The following PRR36 variants were observed in gnomAD, a reference collection of about 807,000 sequenced individuals.
PRR36 encodes proline rich 36.
A neutral mutation model predicts 58.6 loss-of-function variants in PRR36; 30 were observed. That is an observed-to-expected ratio of 0.51 (90% CI 0.38 to 0.69). The LOEUF is 0.69. Among genes scored for constraint, PRR36 ranks in the 30% least tolerant of loss-of-function variants. The probability of loss-of-function intolerance (pLI) is 0.00; values close to 1 mark genes in which losing one functional copy is unlikely to be tolerated. For missense variants in PRR36, 1,692 were observed against 1,805.6 expected (o/e 0.94, Z 1.14); for synonymous variants, 771 against 829.3 (o/e 0.93, Z 1.21).
In PRR36 at chr19:7,872,479, A is replaced by G. The variant is rs58930212; in HGVS notation, c.765T>C (p.Ser255=). 463 of 1,471,364 alleles carry G rather than the reference A, an allele frequency of 3.1e-4. 3 individuals are homozygous for G. The East Asian group carries it at 9.1e-3, about 29-fold the overall frequency. 91.1% of individuals were successfully genotyped at this position (1,471,364 alleles called of 1,614,324 possible). The part of the protein sequence containing the change: ...SATPLSSPAR[S]GPSARGTPRA... Reference sequence around the variant, plus strand: ...TGGGTGTTCCGCGGGCTGAGGGCCCAGAACGGGCTGGGGAGGAGAGAGGGG... The same window carrying G: ...TGGGTGTTCCGCGGGCTGAGGGCCCGGAACGGGCTGGGGAGGAGAGAGGGG... The change falls in exon 5 of 6, where the codon TCT becomes TCC. Residue 255 remains serine (S), a synonymous_variant. Coordinates refer to ENST00000618550, the MANE Select transcript of PRR36 (RefSeq NM_001190467.2). This position sits in a 1 kb window ranked among gnomAD's most constrained non-coding sequence, Gnocchi z 6.1.
At position 7,870,562 on chromosome 19, in the gene PRR36, TGGGGGTGAGGGA is replaced by T; in HGVS notation, c.2670_2681del (p.Pro891_Pro894del). The T allele has an allele frequency of 3.0e-6, 1 of 331,034 alleles. No individual in the cohort carries two copies. Among genetic ancestry groups the T allele is most frequent in the Non-Finnish European group, 3.4e-6 (1 of 290,454 alleles). 20.5% of individuals were successfully genotyped at this position (331,034 alleles called of 1,614,324 possible). ...CAGGGGGAGAGAAAGGGGCCTGCACTGGGGGTGAGGGAGGGGGAGAGAAAGGGGCCTGCAGAA... is the reference window on the plus strand; with the variant it reads ...CAGGGGGAGAGAAAGGGGCCTGCACTGGGGGAGAGAAAGGGGCCTGCAGAA... On this transcript the variant is annotated inframe_deletion, in exon 5 of 6. Coordinates refer to ENST00000618550, the MANE Select transcript of PRR36 (RefSeq NM_001190467.2).
At position 7,873,140 on chromosome 19, in the gene PRR36, C is replaced by A. The variant is rs1254436927; in HGVS notation, c.374+57G>T. 6.7e-6 allele frequency: 10 copies of A among 1,500,290 alleles called. No homozygotes were observed. Among genetic ancestry groups the A allele is most frequent in the Non-Finnish European group, 8.1e-6 (9 of 1,114,914 alleles). The allele number at this position is 1,500,290 out of a possible 1,614,324, so 92.9% of individuals were successfully genotyped here. On this transcript the variant is annotated intron_variant, in intron 3 of 5. Transcript: ENST00000618550. This position sits in a 1 kb window ranked among gnomAD's most constrained non-coding sequence, Gnocchi z 5.0. ...CCCAACTCGTGTAAAATAAAAGGTT[C>A]CAGACTCTGTGACGCTAACCCTGGC...
In PRR36 at chr19:7,869,974, C is replaced by T; in HGVS notation, c.3270G>A (p.Ser1090=). 10 of 1,391,186 alleles carry T rather than the reference C, an allele frequency of 7.2e-6. No homozygotes were observed. The highest frequency in any genetic ancestry group is 9.3e-6 in the Non-Finnish European group (10 of 1,080,676). 86.2% of individuals were successfully genotyped at this position (1,391,186 alleles called of 1,614,324 possible). A position where few individuals can be genotyped will look rare whatever the true frequency, so the allele number is the denominator to read the frequency against. The change falls in exon 5 of 6, where the codon TCG becomes TCA. Residue 1090 remains serine, a synonymous_variant. Transcript: ENST00000618550. ...PPTPGPDTSV[S]GPRLTLALAP... ...CCAACGCCAGGGTCAGCCGTGGGCC[C>T]GAGACGGAGGTATCCGGACCCGGGG...
In PRR36 at chr19:7,871,853, AGAG is replaced by A. The variant is rs1437822354; in HGVS notation, c.1388_1390del (p.Pro463del). The A allele has an allele frequency of 4.6e-6, 7 of 1,535,862 alleles. No individual in the cohort carries two copies. The highest frequency in any genetic ancestry group is 6.1e-6 in the Non-Finnish European group (7 of 1,146,850). On this transcript the variant is annotated inframe_deletion, in exon 5 of 6. Coordinates refer to ENST00000618550, the MANE Select transcript of PRR36 (RefSeq NM_001190467.2). ...TGTTGCCGGAGAAACAGGGCCTTGT[AGAG>A]GAGACATGGCTGACAGAGGAGGTGT...
Position 7,871,102 on chromosome 19 carries a change from T to G in PRR36, c.2142A>C (p.Gln714His). 1.3e-6 allele frequency: 2 copies of G among 1,529,982 alleles called. No homozygotes were observed. The highest frequency in any genetic ancestry group is 1.7e-6 in the Non-Finnish European group (2 of 1,144,680). 94.8% of individuals were successfully genotyped at this position (1,529,982 alleles called of 1,614,324 possible). The change falls in exon 5 of 6, where the codon CAA becomes CAC. Residue 714 changes from glutamine (Q) to histidine (H), a missense_variant. Gln to His is a conservative substitution (Grantham distance 24). Transcript: ENST00000618550. ...SSLIMPPLET[Q>H]SSLAPPSLQT... is the part of the protein sequence containing the mutation. ...GCAGAGAGGGTGGGGCTAGGGAAGA[T>G]TGGGTCTCCAGAGGGGGCATGATCA...
Position 7,868,935 on chromosome 19 carries a change from T to C in PRR36, c.*98A>G, listed in dbSNP as rs962577009. ...CTAAGACTAATCCACCCAGCGGGGC[T>C]CCAGGGCAGTGGAGGCGGGGTCTAA... is the stretch of plus-strand genomic sequence containing the variant. On this transcript the variant is annotated 3_prime_UTR_variant, in exon 6 of 6. Coordinates refer to ENST00000618550, the MANE Select transcript of PRR36 (RefSeq NM_001190467.2). 8 of 1,339,846 alleles carry C rather than the reference T, an allele frequency of 6.0e-6. No homozygotes were observed. In the African/African-American group the frequency reaches 9.0e-5, roughly 15 times the overall value. 83.0% of individuals were successfully genotyped at this position (1,339,846 alleles called of 1,614,324 possible).
In PRR36 at chr19:7,872,888, C is replaced by A; in HGVS notation, c.448G>T (p.Ala150Ser). The A allele has an allele frequency of 6.5e-7, 1 of 1,536,090 alleles. No individual in the cohort carries two copies. The highest frequency in any genetic ancestry group is 8.7e-7 in the Non-Finnish European group (1 of 1,146,876). Residue 150 changes from alanine to serine, a missense_variant, in exon 4 of 6, where the codon GCT (alanine) becomes TCT (serine). Ala to Ser is a moderately conservative substitution (Grantham distance 99, BLOSUM62 1). Around this residue, in one of 5 missense-constraint regions of PRR36, gnomAD observed 975 missense variants for 955.2 expected, o/e 1.02. Coordinates refer to ENST00000618550, the MANE Select transcript of PRR36 (RefSeq NM_001190467.2). This position sits in a 1 kb window ranked among gnomAD's most constrained non-coding sequence, Gnocchi z 6.1. ...ETVARGKATE[A>S]PKRSALSAGA... ...GCGCTGAGGGCACTCCTTTTGGGAG[C>A]CTCTGTAGCTTTTCCTCTGGCCACA...
Position 7,869,199 on chromosome 19 carries a change from C to A in PRR36, c.3875G>T (p.Gly1292Val). 6.5e-7 allele frequency: 1 copy of A among 1,531,660 alleles called. No individual in the cohort carries two copies. Among genetic ancestry groups the A allele is most frequent in the Non-Finnish European group, 8.7e-7 (1 of 1,145,386 alleles). The allele number at this position is 1,531,660 out of a possible 1,614,324, so 94.9% of individuals were successfully genotyped here. A position where few individuals can be genotyped will look rare whatever the true frequency, so the allele number is the denominator to read the frequency against. The change falls in exon 6 of 6, where the codon GGC becomes GTC. Residue 1292 changes from glycine (G) to valine (V), a missense_variant. Gly to Val is a moderately radical substitution (Grantham distance 109). Coordinates refer to ENST00000618550, the MANE Select transcript of PRR36 (RefSeq NM_001190467.2). ...GGAEGGGVTGGARAALSDAEL... is the reference protein window; with the variant it reads ...GGAEGGGVTGVARAALSDAEL... Reference sequence around the variant, plus strand: ...GGCGTCGCTGAGTGCAGCCCGGGCGCCCCCTGTGACGCCACCACCCTCCGC... The same window carrying A: ...GGCGTCGCTGAGTGCAGCCCGGGCGACCCCTGTGACGCCACCACCCTCCGC...
At position 7,872,821 on chromosome 19, in the gene PRR36, G is replaced by C. The variant is rs1373793722; in HGVS notation, c.487+28C>G. On this transcript the variant is annotated intron_variant, in intron 4 of 5. Coordinates refer to ENST00000618550, the MANE Select transcript of PRR36 (RefSeq NM_001190467.2). This position sits in a 1 kb window ranked among gnomAD's most constrained non-coding sequence, Gnocchi z 6.1. ...TGAGGCGGCTCCCCTTGCTGCCCAG[G>C]AACCCCACTCTTCTCCAGGTCACGT... 2 of 1,532,546 alleles carry C rather than the reference G, an allele frequency of 1.3e-6. No homozygotes were observed. Among genetic ancestry groups the C allele is most frequent in the South Asian group, 2.4e-5 (2 of 83,838 alleles). The allele number at this position is 1,532,546 out of a possible 1,614,324, so 94.9% of individuals were successfully genotyped here.
Position 7,871,830 on chromosome 19 carries a change from T to C in PRR36, c.1414A>G (p.Thr472Ala), listed in dbSNP as rs1351879351. Reference protein sequence around the residue: ...SPLQGPVSPATSLGNSAFPLA... With the variant: ...SPLQGPVSPAASLGNSAFPLA... ...GGAAAAGCCGAATTCCCCAGAGATG[T>C]TGCCGGAGAAACAGGGCCTTGTAGA... Residue 472 changes from threonine (T) to alanine (A), a missense_variant, in exon 5 of 6, where the codon ACA becomes GCA. Coordinates refer to ENST00000618550, the MANE Select transcript of PRR36 (RefSeq NM_001190467.2). The C allele has an allele frequency of 1.3e-6, 2 of 1,535,494 alleles. No homozygotes were observed. Among genetic ancestry groups the C allele is most frequent in the East Asian group, 2.4e-5 (1 of 40,860 alleles).
chr19:7,872,989 C>T lies in PRR36; in HGVS notation c.375-28G>A, dbSNP rs1980536978. On this transcript the variant is annotated intron_variant, in intron 3 of 5. Transcript: ENST00000618550. This position sits in a 1 kb window ranked among gnomAD's most constrained non-coding sequence, Gnocchi z 6.1. ...GGAGACAGAAGGGGCCACGCTCAGG[C>T]CTAGGTCTTTGTTTGGCTTCCCAAG... 1 of 1,513,870 alleles carries T rather than the reference C, an allele frequency of 6.6e-7. No individual in the cohort carries two copies. Among genetic ancestry groups the T allele is most frequent in the Non-Finnish European group, 8.9e-7 (1 of 1,129,444 alleles). The allele number at this position is 1,513,870 out of a possible 1,614,324, so 93.8% of individuals were successfully genotyped here. A position where few individuals can be genotyped will look rare whatever the true frequency, so the allele number is the denominator to read the frequency against.
chr19:7,868,950 G>T lies in PRR36; in HGVS notation c.*83C>A. 1.4e-6 allele frequency: 2 copies of T among 1,398,316 alleles called. No individual in the cohort carries two copies. Among genetic ancestry groups the T allele is most frequent in the Non-Finnish European group, 1.9e-6 (2 of 1,061,120 alleles). 86.6% of individuals were successfully genotyped at this position (1,398,316 alleles called of 1,614,324 possible). On this transcript the variant is annotated 3_prime_UTR_variant, in exon 6 of 6. Coordinates refer to ENST00000618550, the MANE Select transcript of PRR36 (RefSeq NM_001190467.2). Reference sequence around the variant, plus strand: ...CCAGCGGGGCTCCAGGGCAGTGGAGGCGGGGTCTAAAACAAACGGCGTACC... The same window carrying T: ...CCAGCGGGGCTCCAGGGCAGTGGAGTCGGGGTCTAAAACAAACGGCGTACC...
chr19:7,873,165 C>CT lies in PRR36; in HGVS notation c.374+31dup. 12 of 1,527,218 alleles carry CT rather than the reference C, an allele frequency of 7.9e-6. No homozygotes were observed. Among genetic ancestry groups the CT allele is most frequent in the Non-Finnish European group, 1.1e-5 (12 of 1,138,824 alleles). The allele number at this position is 1,527,218 out of a possible 1,614,324, so 94.6% of individuals were successfully genotyped here. A position where few individuals can be genotyped will look rare whatever the true frequency, so the allele number is the denominator to read the frequency against. On this transcript the variant is annotated intron_variant, in intron 3 of 5. Transcript: ENST00000618550. This position sits in a 1 kb window ranked among gnomAD's most constrained non-coding sequence, Gnocchi z 5.0. ...CCAGACTCTGTGACGCTAACCCTGG[C>CT]TTAGGAGACTGGGGGAGAGGGAGCA...
Position 7,872,974 on chromosome 19 carries a change from G to A in PRR36, c.375-13C>T. 6.5e-7 allele frequency: 1 copy of A among 1,530,102 alleles called. No homozygotes were observed. Among genetic ancestry groups the A allele is most frequent in the Non-Finnish European group, 8.8e-7 (1 of 1,141,794 alleles). 94.8% of individuals were successfully genotyped at this position (1,530,102 alleles called of 1,614,324 possible). On this transcript the variant is annotated splice_polypyrimidine_tract_variant and intron_variant, in intron 3 of 5. Coordinates refer to ENST00000618550, the MANE Select transcript of PRR36 (RefSeq NM_001190467.2). This position sits in a 1 kb window ranked among gnomAD's most constrained non-coding sequence, Gnocchi z 6.1. ...AAGAGGGCCTGGCCTGGAGACAGAA[G>A]GGGCCACGCTCAGGCCTAGGTCTTT...
chr19:7,871,497 G>A lies in PRR36; in HGVS notation c.1747C>T (p.Gln583Ter). 6.5e-7 allele frequency: 1 copy of A among 1,535,642 alleles called. No homozygotes were observed. Among genetic ancestry groups the A allele is most frequent in the Non-Finnish European group, 8.7e-7 (1 of 1,146,738 alleles). The change falls in exon 5 of 6, where the codon CAG becomes TAG. Residue 583 changes from glutamine to a stop codon, truncating the protein, a stop_gained. Coordinates refer to ENST00000618550, the MANE Select transcript of PRR36 (RefSeq NM_001190467.2). LOFTEE classifies it high-confidence loss of function. ...TPPMQAPPSL[Q>*]TIPPIQVPHS... The stretch of plus-strand genomic sequence containing the variant: ...GGGACCTGTATTGGGGGAATGGTCT[G>A]GAGAGAGGGCGGGGCCTGCATAGGG...
chr19:7,869,402 C>T lies in PRR36; in HGVS notation c.3672G>A (p.Gly1224=). The change falls in exon 6 of 6, where the codon GGG becomes GGA. Residue 1224 remains glycine (G), a synonymous_variant. Transcript: ENST00000618550. ...CGGCCCCGGCCCCAGCCGCCGCCTT[C>T]CCACCGCTCGTGCCGGGACTGGGCC... ...DPGPSPGTSG[G]KAAAGAGAGA... 1 of 1,480,962 alleles carries T rather than the reference C, an allele frequency of 6.8e-7. No homozygotes were observed. The highest frequency in any genetic ancestry group is 8.9e-7 in the Non-Finnish European group (1 of 1,124,552). The allele number at this position is 1,480,962 out of a possible 1,614,324, so 91.7% of individuals were successfully genotyped here. A position where few individuals can be genotyped will look rare whatever the true frequency, so the allele number is the denominator to read the frequency against.
chr19:7,873,835 T>C lies in PRR36; in HGVS notation c.-7-139A>G. 1 of 768,294 alleles carries C rather than the reference T, an allele frequency of 1.3e-6. No individual in the cohort carries two copies. The highest frequency in any genetic ancestry group is 2.0e-5 in the South Asian group (1 of 49,842). 47.6% of individuals were successfully genotyped at this position (768,294 alleles called of 1,614,324 possible). ...AACCTCGGCCTCGGCTTCCATCCGC[T>C]CGGCTCCCACGCACCTACACCCACT... On this transcript the variant is annotated intron_variant, in intron 1 of 5. Coordinates refer to ENST00000618550, the MANE Select transcript of PRR36 (RefSeq NM_001190467.2). The surrounding 1 kb of genome is among the most constrained non-coding windows in gnomAD (Gnocchi z 5.0).
chr19:7,873,045 G>T lies in PRR36; in HGVS notation c.375-84C>A. ...ATTTTCCCATCTGTGAAATGGGCATGTGCCCTCTCTGAGGACCAATAATGG... is the reference window on the plus strand; with the variant it reads ...ATTTTCCCATCTGTGAAATGGGCATTTGCCCTCTCTGAGGACCAATAATGG... On this transcript the variant is annotated intron_variant, in intron 3 of 5. Transcript: ENST00000618550. This position sits in a 1 kb window ranked among gnomAD's most constrained non-coding sequence, Gnocchi z 5.0. 4 of 1,358,294 alleles carry T rather than the reference G, an allele frequency of 2.9e-6. No individual in the cohort carries two copies. Among genetic ancestry groups the T allele is most frequent in the Non-Finnish European group, 4.0e-6 (4 of 990,630 alleles). The allele number at this position is 1,358,294 out of a possible 1,614,324, so 84.1% of individuals were successfully genotyped here. A position where few individuals can be genotyped will look rare whatever the true frequency, so the allele number is the denominator to read the frequency against.
At position 7,871,308 on chromosome 19, in the gene PRR36, G is replaced by C; in HGVS notation, c.1936C>G (p.Pro646Ala). The change falls in exon 5 of 6, where the codon CCG (proline) becomes GCG (alanine). Residue 646 changes from proline (P) to alanine (A), a missense_variant. Around this residue, in one of 5 missense-constraint regions of PRR36, gnomAD observed 975 missense variants for 955.2 expected, o/e 1.02. Coordinates refer to ENST00000618550, the MANE Select transcript of PRR36 (RefSeq NM_001190467.2). ...TQASLISPSR[P>A]ASTPPDSPPL... The stretch of plus-strand genomic sequence containing the variant: ...GGTGAATCAGGGGGAGTAGAGGCCG[G>C]CCGAGAAGGTGAGATCAAAGAAGCT... 1.3e-6 allele frequency: 2 copies of C among 1,529,818 alleles called. No homozygotes were observed. The highest frequency in any genetic ancestry group is 1.7e-6 in the Non-Finnish European group (2 of 1,142,958). 94.8% of individuals were successfully genotyped at this position (1,529,818 alleles called of 1,614,324 possible).
Sources: gnomAD v4.1 joint callset for allele counts on GRCh38, gnomAD v4.1.1 for gene constraint, gnomAD v4.1.1 regional missense constraint, Gnocchi (gnomAD v3.1) non-coding constraint, MANE v1.5 for transcripts, NCBI Gene and HGNC (gene_info 2026-07-23, HGNC 2026-07-21) for gene names.